The following LPAR1 variants were observed in gnomAD, a reference collection of about 807,000 sequenced individuals.
The protein encoded by LPAR1 is LPA receptor 1.
A neutral mutation model predicts 23.8 loss-of-function variants in LPAR1; 5 were observed. That is an observed-to-expected ratio of 0.21 (90% CI 0.11 to 0.44). The LOEUF (loss-of-function observed/expected upper bound fraction) is 0.44, where lower values mean the gene tolerates loss of function less well. LPAR1 is among the 20% of genes least tolerant of loss of function. The pLI is 0.99. For missense variants in LPAR1, 311 were observed against 482.8 expected, an observed-to-expected ratio of 0.64 and a Z score of 3.33; for synonymous variants, 160 against 164.7, an observed-to-expected ratio of 0.97 and a Z score of 0.22.
chr9:110,954,188 A>T (rs544017438), intron 4 of LPAR1, among the ~76,000 whole-genome samples: 1 of 152,304 alleles, frequency 6.6e-6, no homozygotes, highest in Admixed American at 6.5e-5. Flanking sequence ...AAAAAGCTTC[A>T]ACAACAGACA....
At chr9:111,020,568 C>G (rs1051731379) in intron 2 of LPAR1, among the ~76,000 whole-genome samples, 3 of 152,200 alleles carry the variant, frequency 2.0e-5, no homozygotes, top group South Asian at 2.1e-4. Flanking sequence ...TTATGGAATT[C>G]TAGGCCAGGC....
intron 4 of LPAR1, among the ~76,000 whole-genome samples, chr9:110,956,625 A>T (rs11536781): frequency 0.2 from 29,677 of 151,908 alleles, 3,548 homozygotes; most frequent in East Asian, 0.6. Flanking sequence ...AACTGATACC[A>T]TAGAAATACA....
chr9:110,957,369 A>AATGCACC (rs1232214171), intron 4 of LPAR1, among the ~76,000 whole-genome samples: 3 of 151,802 alleles, frequency 2.0e-5, no homozygotes, highest in Admixed American at 6.6e-5. Flanking sequence ...TAATAATAAT[A>AATGCACC]ATGCACCATG....
At chr9:111,018,866 CTG>C (rs1486492008) in intron 2 of LPAR1, among the ~76,000 whole-genome samples, 6 of 152,122 alleles carry the variant, frequency 3.9e-5, no homozygotes, top group Admixed American at 2.0e-4. Context: ...GGAAATAAAA[CTG>C]TGTAAAAATA....
chr9:110,971,513 G>A lies in LPAR1; in HGVS notation c.45+560C>T, dbSNP rs181257485. Among the ~76,000 whole-genome samples, 15 of 152,242 alleles carry A rather than the reference G, an allele frequency of 9.9e-5. No homozygotes were observed. The East Asian group carries it at 2.9e-3, about 29-fold the overall frequency. On this transcript the variant is annotated intron_variant, in intron 4 of 5. Transcript: ENST00000683809. ...CAGGCTGTAAAATCATCTGAACAAA[G>A]ACCATGTCCCTGCCGTATTACTGCT...
Position 110,942,175 on chromosome 9 carries a change from G to A in LPAR1, c.46-7C>T. The A allele has an allele frequency of 1.3e-6, 2 of 1,584,606 alleles. No homozygotes were observed. Among genetic ancestry groups the A allele is most frequent in the Non-Finnish European group, 1.7e-6 (2 of 1,169,144 alleles). ...GTTCATTCATGGCTGTGAACTAAAA[G>A]AAAAAGGAGAAAAGATGATGAAAAA... On this transcript the variant is annotated splice_polypyrimidine_tract_variant and splice_region_variant and intron_variant, in intron 4 of 5. Transcript: ENST00000683809.
intron 5 of LPAR1, among the ~76,000 whole-genome samples, chr9:110,895,801 A>G (rs767643919): frequency 4.6e-5 from 7 of 152,022 alleles, no homozygotes; most frequent in Non-Finnish European, 7.4e-5. Flanking sequence ...CTGGCTAAAA[A>G]ACAATAAAAA....
chr9:111,019,467 G>T (rs2097520036), intron 2 of LPAR1, among the ~76,000 whole-genome samples: 2 of 152,182 alleles, frequency 1.3e-5, no homozygotes, highest in Non-Finnish European at 2.9e-5. Flanking sequence ...AAGGAAAAAG[G>T]AAGAGAGTTA....
chr9:110,942,866 G>C (rs1183027582), intron 4 of LPAR1, among the ~76,000 whole-genome samples: 1 of 152,088 alleles, frequency 6.6e-6, no homozygotes, highest in Non-Finnish European at 1.5e-5. Context: ...AACCTCCAAA[G>C]AGTAGGTGAC....
At chr9:110,902,614 G>A (rs1326033520) in intron 5 of LPAR1, among the ~76,000 whole-genome samples, 4 of 152,092 alleles carry the variant, frequency 2.6e-5, no homozygotes, top group African/African-American at 7.2e-5. Flanking sequence ...TTAGCAGCAT[G>A]AGACTAATAC....
intron 5 of LPAR1, among the ~76,000 whole-genome samples, chr9:110,931,130 G>T (rs879764027): frequency 3.3e-5 from 5 of 152,108 alleles, no homozygotes; most frequent in Non-Finnish European, 7.4e-5. Context: ...AGGGTATAAA[G>T]AATATCTAAT....
rs561664095 is a variant in LPAR1 at position 110,891,769 on chromosome 9, C to T, written c.794-16047G>A. Among the ~76,000 whole-genome samples, 14 of 152,150 alleles carry T rather than the reference C, an allele frequency of 9.2e-5. No homozygotes were observed. The South Asian group carries it at 1.2e-3, about 14-fold the overall frequency. The stretch of plus-strand genomic sequence containing the variant: ...TTCTCAAAAGAAAATGTATAAATGG[C>T]GCATTAAGCACATGAAAAGGCGATC... On this transcript the variant is annotated intron_variant, in intron 5 of 5. Transcript: ENST00000683809.
At chr9:110,963,142 T>C (rs1380578231) in intron 4 of LPAR1, among the ~76,000 whole-genome samples, 1 of 152,196 alleles carries the variant, frequency 6.6e-6, no homozygotes, top group Non-Finnish European at 1.5e-5. Flanking sequence ...AAAAAGGATG[T>C]ATTAGAAAGA....
intron 5 of LPAR1, among the ~76,000 whole-genome samples, chr9:110,900,856 C>G (rs538221885): frequency 1.3e-5 from 2 of 152,300 alleles, no homozygotes; most frequent in East Asian, 3.9e-4. Flanking sequence ...TCATCCAAAA[C>G]CTTCATCAGC....
At chr9:110,925,497 G>T (rs781464667) in intron 5 of LPAR1, among the ~76,000 whole-genome samples, 1 of 152,114 alleles carries the variant, frequency 6.6e-6, no homozygotes, top group Non-Finnish European at 1.5e-5. Context: ...TTGAATGAAT[G>T]ACTAGAGGAT....
chr9:110,902,344 G>A (rs1588218259), intron 5 of LPAR1, among the ~76,000 whole-genome samples: 1 of 152,208 alleles, frequency 6.6e-6, no homozygotes, highest in East Asian at 1.9e-4. Flanking sequence ...GGGACCTGGT[G>A]GGAGGTTATT....
intron 4 of LPAR1, among the ~76,000 whole-genome samples, chr9:110,971,280 C>A (rs1039353135): frequency 9.9e-5 from 15 of 152,104 alleles, no homozygotes; most frequent in African/African-American, 3.6e-4. Context: ...TGTATATGAA[C>A]CATCATTTTA....
At chr9:110,920,744 G>A (rs759227651) in intron 5 of LPAR1, among the ~76,000 whole-genome samples, 22 of 152,004 alleles carry the variant, frequency 1.4e-4, no homozygotes, top group Non-Finnish European at 2.6e-4. Flanking sequence ...CTCTAAAATG[G>A]GTAAAACACT....
chr9:110,923,629 C>T (rs935932997), intron 5 of LPAR1, among the ~76,000 whole-genome samples: 2 of 152,178 alleles, frequency 1.3e-5, no homozygotes, highest in Non-Finnish European at 2.9e-5. Context: ...AGATGTAACC[C>T]CACCGCTAAG....
Sources: gnomAD v4.1 joint callset for allele counts (sites outside exome capture counted in the v4.1 genomes callset) on GRCh38, gnomAD v4.1.1 for gene constraint, MANE v1.5 for transcripts, NCBI Gene and HGNC (gene_info 2026-07-23, HGNC 2026-07-21) for gene names.